Variants in WDPCP observed in about 807,000 individuals in gnomAD.
WDPCP encodes the protein WD repeat containing planar cell polarity effector.
A neutral mutation model predicts 93.1 loss-of-function variants in WDPCP; 71 were observed. That is an observed-to-expected ratio of 0.76 (90% CI 0.63 to 0.93). The LOEUF (loss-of-function observed/expected upper bound fraction) is 0.93. Among genes scored for constraint, WDPCP ranks in the 40% least tolerant of loss-of-function variants. The pLI is 0.00. For synonymous variants in WDPCP, 315 were observed against 315.0 expected (o/e 1.00, Z 0.00); for missense variants, 844 against 887.4 (o/e 0.95, Z 0.62).
At chr2:63,216,133 G>A (rs965358514) in intron 14 of WDPCP, among the ~76,000 whole-genome samples, 2 of 152,178 alleles carry the variant, frequency 1.3e-5, no homozygotes, top group African/African-American at 4.8e-5. Context: ...TTCAACCATC[G>A]TGGAAGTCAG....
At position 63,426,972 on chromosome 2, in the gene WDPCP, G is replaced by A. The variant is rs146961741; in HGVS notation, c.825+6773C>T. On this transcript the variant is annotated intron_variant, in intron 9 of 17. Transcript: ENST00000272321. ...TCAGATAAAACAGACTTTAACAATA[G>A]TCGAGAAGGACAAAGAAGGGTATTA... 1.1e-3 allele frequency among the ~76,000 whole-genome samples: 161 copies of A among 152,222 alleles called. 1 individual carries two copies. Among genetic ancestry groups the A allele is most frequent in the African/African-American group, 3.8e-3 (159 of 41,542 alleles).
upstream of WDPCP, chr2:63,588,560 C>G (rs1407137375): frequency 8.8e-6 from 5 of 566,680 alleles, no homozygotes; most frequent in Admixed American, 6.1e-5. Flanking sequence ...AGCGGAAGGT[C>G]TCTTTACCTC....
chr2:63,763,227 G>A (rs1176609723), intron 2 of WDPCP, among the ~76,000 whole-genome samples: 5 of 152,102 alleles, frequency 3.3e-5, no homozygotes, highest in Non-Finnish European at 5.9e-5. Flanking sequence ...TGATGGTCCG[G>A]GCACGGTGGC....
At chr2:63,155,043 C>T (rs187461510) in intron 15 of WDPCP, among the ~76,000 whole-genome samples, 75 of 152,250 alleles carry the variant, frequency 4.9e-4, no homozygotes, top group African/African-American at 1.7e-3. Flanking sequence ...GGATACAACT[C>T]CTTTGCTGGA....
At chr2:63,766,068 G>T (rs1553455071) in intron 2 of WDPCP, among the ~76,000 whole-genome samples, 1 of 152,210 alleles carries the variant, frequency 6.6e-6, no homozygotes, top group Non-Finnish European at 1.5e-5. Flanking sequence ...ATGCACCTAG[G>T]TGCATTTTAG....
At chr2:63,447,081 T>C (rs558004267) in intron 6 of WDPCP, among the ~76,000 whole-genome samples, 17 of 152,280 alleles carry the variant, frequency 1.1e-4, no homozygotes, top group Non-Finnish European at 1.8e-4. Flanking sequence ...AGAAATTTTT[T>C]CCCAACTGCA....
At chr2:63,125,962 T>G (rs2153396402) in intron 17 of WDPCP, among the ~76,000 whole-genome samples, 1 of 145,622 alleles carries the variant, frequency 6.9e-6, no homozygotes. Context: ...TGAGATAAGG[T>G]CTCACTCTGT....
At chr2:63,616,356 G>A (rs1709673329) in intron 3 of WDPCP, among the ~76,000 whole-genome samples, 1 of 152,130 alleles carries the variant, frequency 6.6e-6, no homozygotes, top group Admixed American at 6.5e-5. Context: ...GGTCTGTTTA[G>A]GCCTAAAACA....
At chr2:63,420,361 T>TTAAAAAA (rs1368696608) in intron 9 of WDPCP, among the ~76,000 whole-genome samples, 1 of 120,544 alleles carries the variant, frequency 8.3e-6, no homozygotes, top group Non-Finnish European at 1.7e-5. Context: ...CATCTTTACT[T>TTAAAAAA]AAAAAAAAAA....
chr2:63,472,823 G>T (rs1363622797), intron 6 of WDPCP, among the ~76,000 whole-genome samples: 1 of 152,226 alleles, frequency 6.6e-6, no homozygotes, highest in Non-Finnish European at 1.5e-5. Flanking sequence ...GCCCCCCAAA[G>T]TGCTAGGATT....
chr2:63,768,796 G>A (rs1166803953), intron 2 of WDPCP, among the ~76,000 whole-genome samples: 3 of 151,970 alleles, frequency 2.0e-5, no homozygotes, highest in Non-Finnish European at 4.4e-5. Context: ...TACAGGAGAG[G>A]AATTAGACTC....
At chr2:63,406,778 G>A (rs1694623385) in intron 9 of WDPCP, among the ~76,000 whole-genome samples, 1 of 152,154 alleles carries the variant, frequency 6.6e-6, no homozygotes, top group Non-Finnish European at 1.5e-5. Context: ...GTGTCTCTGT[G>A]TACTCATTCC....
chr2:63,259,602 A>G (rs1165556749), intron 13 of WDPCP, among the ~76,000 whole-genome samples, 193 bp from the exon 14 acceptor site: 2 of 152,222 alleles, frequency 1.3e-5, no homozygotes, highest in Non-Finnish European at 2.9e-5. Flanking sequence ...AGCTATAACT[A>G]AAGGCAAGTA....
chr2:63,726,979 T>C (rs1293817992), intron 2 of WDPCP, among the ~76,000 whole-genome samples: 3 of 152,226 alleles, frequency 2.0e-5, no homozygotes, highest in Non-Finnish European at 4.4e-5. Context: ...TACAGAAGCA[T>C]ACTGTCTGCA....
At chr2:63,751,125 T>A (rs1669873395) in intron 2 of WDPCP, among the ~76,000 whole-genome samples, 1 of 152,178 alleles carries the variant, frequency 6.6e-6, no homozygotes, top group Admixed American at 6.5e-5. Context: ...GACAATAAAT[T>A]TAATTTTAAA....
At chr2:63,733,192 T>G (rs1669586409) in intron 2 of WDPCP, among the ~76,000 whole-genome samples, 1 of 139,176 alleles carries the variant, frequency 7.2e-6, no homozygotes, top group Non-Finnish European at 1.6e-5. Context: ...GATTTTTTTT[T>G]TTTTTTTTTT....
chr2:63,732,117 A>C (rs914001347), intron 2 of WDPCP, among the ~76,000 whole-genome samples: 2 of 152,222 alleles, frequency 1.3e-5, no homozygotes, highest in African/African-American at 4.8e-5. Flanking sequence ...CTCTTACAAT[A>C]AAGTAGAAGC....
At chr2:63,169,250 G>A (rs1019531836) in intron 15 of WDPCP, among the ~76,000 whole-genome samples, 5 of 152,148 alleles carry the variant, frequency 3.3e-5, no homozygotes, top group Non-Finnish European at 2.9e-5. Flanking sequence ...CTCAAGAAGG[G>A]TTCATGGGTA....
intron 3 of WDPCP, among the ~76,000 whole-genome samples, chr2:63,644,660 CT>C (rs1224029584): frequency 6.6e-6 from 1 of 152,100 alleles, no homozygotes; most frequent in Non-Finnish European, 1.5e-5. Context: ...TACTGTGACA[CT>C]TTTTATTATG....
Sources: allele counts gnomAD v4.1 joint callset (sites outside exome capture counted in the v4.1 genomes callset), GRCh38; gene constraint gnomAD v4.1.1; transcripts MANE v1.5; gene names NCBI Gene and HGNC (gene_info 2026-07-23, HGNC 2026-07-21).